The following WNK1 variants were observed in gnomAD, a reference collection of about 807,000 sequenced individuals.
The protein encoded by WNK1 is WNK lysine deficient protein kinase 1, also known as serine/threonine-protein kinase WNK1.
In WNK1, 38 loss-of-function variants were observed where a neutral mutation model predicts 222.8. That is an observed-to-expected ratio of 0.17 (90% CI 0.13 to 0.22). The LOEUF is 0.22. Ranked by LOEUF, WNK1 falls within the 10% of genes least tolerant of loss-of-function variation. The pLI is 1.00. For missense variants in WNK1, 2,348 were observed against 2,918.4 expected (o/e 0.80, Z 4.50); for synonymous variants, 1,090 against 1,092.9 (o/e 1.00, Z 0.05).
At chr12:788,917 C>T (rs1369767627) in intron 1 of WNK1, among the ~76,000 whole-genome samples, 1 of 151,902 alleles carries the variant, frequency 6.6e-6, no homozygotes, top group African/African-American at 2.4e-5. Context: ...AGTGAGCAAA[C>T]ATCTGTTTGG....
intron 4 of WNK1, among the ~76,000 whole-genome samples, chr12:834,826 G>C (rs996433110): frequency 1.6e-4 from 24 of 152,006 alleles, no homozygotes; most frequent in African/African-American, 4.6e-4. Context: ...GATGATAAAG[G>C]CTTAAAATAA....
At chr12:868,190 T>TAAAC (rs1216352391) in intron 8 of WNK1, 2 of 1,613,844 alleles carry the variant, frequency 1.2e-6, no homozygotes, top group Non-Finnish European at 1.7e-6. Flanking sequence ...CCATCCTATG[T>TAAAC]TTGAACCATC....
rs143275948 is a variant in WNK1, at chr12:900,927, C to T, written c.6643+257C>T. The T allele has an allele frequency of 3.2e-4, 168 of 522,276 alleles. No individual in the cohort carries two copies. The East Asian group carries it at 4.4e-3, about 14-fold the overall frequency. The allele number at this position is 522,276 out of a possible 1,614,324, so 32.4% of individuals were successfully genotyped here. ...ATCTGTGTGGCCTATATGACTTGCT[C>T]ATTTGGGATTTGGAACTTAGGCTTT... On this transcript the variant is annotated intron_variant, in intron 26 of 27. Transcript: ENST00000315939.
At chr12:765,812 A>T (rs1334222540) in intron 1 of WNK1, among the ~76,000 whole-genome samples, 3 of 152,238 alleles carry the variant, frequency 2.0e-5, no homozygotes, top group Non-Finnish European at 4.4e-5. Context: ...CAAAAAGTTC[A>T]ACTTTAACCA....
intron 26 of WNK1, among the ~76,000 whole-genome samples, chr12:903,532 G>A (rs1276085904): frequency 6.6e-6 from 1 of 152,152 alleles, no homozygotes; most frequent in South Asian, 2.1e-4. Context: ...CAAAGCTTCT[G>A]TTTCTGAAAT....
At chr12:851,177 C>T (rs11064570) in intron 4 of WNK1, among the ~76,000 whole-genome samples, 1 of 152,116 alleles carries the variant, frequency 6.6e-6, no homozygotes, top group Admixed American at 6.6e-5. Flanking sequence ...TTGTGATTCC[C>T]TGTCCAGTGT....
chr12:775,131 T>C (rs1424121739), intron 1 of WNK1, among the ~76,000 whole-genome samples: 1 of 152,190 alleles, frequency 6.6e-6, no homozygotes, highest in Admixed American at 6.5e-5. Context: ...TATGTTATAG[T>C]ATTAAAATCT....
intron 8 of WNK1, chr12:868,767 A>G (rs767423378): frequency 1.2e-6 from 2 of 1,613,948 alleles, no homozygotes; most frequent in African/African-American, 1.3e-5. Context: ...TTACATGGCT[A>G]CTTGCAGCCT....
chr12:811,886 A>G (rs1946940365), intron 1 of WNK1, among the ~76,000 whole-genome samples: 1 of 152,208 alleles, frequency 6.6e-6, no homozygotes, highest in Non-Finnish European at 1.5e-5. Flanking sequence ...TAAAATAAAT[A>G]ATACTTTTCA....
Position 752,678 on chromosome 12 carries a change from TG to T in WNK1, c.-883del, listed in dbSNP as rs1374410423. ...ATCTTCGGTGACAGAAGGCGCCTGG[TG>T]GGGGTGGCTGCTCTTTTCTCTCCCT... On this transcript the variant is annotated 5_prime_UTR_variant, in exon 1 of 28. Coordinates refer to ENST00000315939, the MANE Select transcript of WNK1 (RefSeq NM_018979.4). 1.3e-5 allele frequency: 2 copies of T among 152,290 alleles called. No individual in the cohort carries two copies. The highest frequency in any genetic ancestry group is 4.8e-5 in the African/African-American group (2 of 41,408). The allele number at this position is 152,290 out of a possible 1,614,324, so 9.4% of individuals were successfully genotyped here. A position where few individuals can be genotyped will look rare whatever the true frequency, so the allele number is the denominator to read the frequency against.
At chr12:880,102 C>G in intron 11 of WNK1, 71 bp downstream of exon 11, 2 of 1,442,910 alleles carry the variant, frequency 1.4e-6, no homozygotes, top group South Asian at 2.3e-5. Flanking sequence ...ACATGGAAAT[C>G]TAATAGTTGA....
At chr12:890,603 C>A in intron 22 of WNK1, 90 bp downstream of exon 22, 1 of 1,335,936 alleles carries the variant, frequency 7.5e-7, no homozygotes, top group Non-Finnish European at 1.1e-6. Context: ...GACACATTTC[C>A]ACGTATTTGA....
chr12:905,581 A>G (rs769324763), intron 26 of WNK1, among the ~76,000 whole-genome samples: 11 of 151,916 alleles, frequency 7.2e-5, no homozygotes, highest in Non-Finnish European at 1.6e-4. Flanking sequence ...TTTTGTTTTG[A>G]TTGTCTCTCA....
intron 26 of WNK1, among the ~76,000 whole-genome samples, chr12:902,945 A>G (rs72650773): frequency 1.2e-3 from 176 of 152,350 alleles, no homozygotes; most frequent in African/African-American, 4.2e-3. Context: ...TTCTGATGTG[A>G]TTATTGAAGT....
intron 4 of WNK1, among the ~76,000 whole-genome samples, chr12:850,578 A>G (rs1286386480): frequency 6.6e-6 from 1 of 152,014 alleles, no homozygotes; most frequent in Non-Finnish European, 1.5e-5. Flanking sequence ...GTTTAATTAG[A>G]TCCCATTTGT....
chr12:893,366 A>T (rs1397522849), intron 22 of WNK1, among the ~76,000 whole-genome samples: 1 of 152,238 alleles, frequency 6.6e-6, no homozygotes. Context: ...CTATGCAATC[A>T]TTAAAAAGAA....
At chr12:838,389 A>G (rs1591946891) in intron 4 of WNK1, among the ~76,000 whole-genome samples, 2 of 151,936 alleles carry the variant, frequency 1.3e-5, no homozygotes, top group Admixed American at 1.3e-4. Context: ...TGATCTCTTC[A>G]TATTCTTGCC....
Position 809,973 on chromosome 12 carries a change from C to T in WNK1, c.760-3669C>T, listed in dbSNP as rs868481473. Among the ~76,000 whole-genome samples the T allele has an allele frequency of 5.9e-5, 9 of 152,062 alleles. No individual in the cohort carries two copies. The South Asian group carries it at 6.2e-4, about 10-fold the overall frequency. On this transcript the variant is annotated intron_variant, in intron 1 of 27. Coordinates refer to ENST00000315939, the MANE Select transcript of WNK1 (RefSeq NM_018979.4). ...TCACTTTAAAAGATAAAATAGAGGC[C>T]GGGCACGGTGGCTCACGTCTGTAAT...
At chr12:864,981 A>AT in intron 8 of WNK1, 1 of 1,276,834 alleles carries the variant, frequency 7.8e-7, no homozygotes, top group Non-Finnish European at 1.0e-6. Context: ...CAAAAAAAAA[A>AT]CTGACTTTGT....
Sources: allele counts gnomAD v4.1 joint callset (sites outside exome capture counted in the v4.1 genomes callset), GRCh38; gene constraint gnomAD v4.1.1; transcripts MANE v1.5; gene names NCBI Gene and HGNC (gene_info 2026-07-23, HGNC 2026-07-21).